PDE10A: variants seen among roughly 807,000 people sequenced by gnomAD.
PDE10A encodes the protein phosphodiesterase 10A.
PDE10A carries 39 observed loss-of-function variants against 97.7 expected under a neutral mutation model. That is an observed-to-expected ratio of 0.40 (90% CI 0.31 to 0.52). PDE10A has a LOEUF of 0.52. Among genes scored for constraint, PDE10A ranks in the 20% least tolerant of loss-of-function variants. The pLI, the probability that PDE10A is intolerant of heterozygous loss-of-function variation, is 0.56. For synonymous variants in PDE10A, 371 were observed against 376.8 expected (o/e 0.98, Z 0.18); for missense variants, 731 against 1,047.8 (o/e 0.70, Z 4.17).
intron 2 of PDE10A, among the ~76,000 whole-genome samples, chr6:165,499,827 T>A (rs572072546): frequency 2.6e-5 from 4 of 152,190 alleles, no homozygotes; most frequent in Admixed American, 2.0e-4. Flanking sequence ...TTTTTAGACA[T>A]TGAACACAAG....
intron 2 of PDE10A, among the ~76,000 whole-genome samples, chr6:165,529,760 T>C (rs1408593526): frequency 6.6e-6 from 1 of 152,204 alleles, no homozygotes; most frequent in Non-Finnish European, 1.5e-5. Flanking sequence ...GCATCTCCTG[T>C]TGTACGAAGG....
At chr6:165,877,825 A>G (rs1371770300) in intron 1 of PDE10A, among the ~76,000 whole-genome samples, 1 of 152,212 alleles carries the variant, frequency 6.6e-6, no homozygotes, top group Non-Finnish European at 1.5e-5. Flanking sequence ...ATCTTATAAA[A>G]GCATTCTGCA....
intron 2 of PDE10A, among the ~76,000 whole-genome samples, chr6:165,507,885 A>T (rs981074636): frequency 6.6e-6 from 1 of 152,074 alleles, no homozygotes; most frequent in Non-Finnish European, 1.5e-5. Flanking sequence ...AAAATGAAAC[A>T]ATGTTTTCTT....
At position 165,426,070 on chromosome 6, in the gene PDE10A, G is replaced by A. The variant is rs139138947; in HGVS notation, c.1653+2588C>T. ...CTAGATAAATGGAAAAATACCTCAC[G>A]TTCGTGTATTAGAAGTCTTAATTGT... On this transcript the variant is annotated intron_variant, in intron 10 of 21. Coordinates refer to ENST00000539869, the MANE Select transcript of PDE10A (RefSeq NM_001385079.1). 3.6e-3 allele frequency among the ~76,000 whole-genome samples: 541 copies of A among 151,970 alleles called. 4 individuals are homozygous for A. The highest frequency in any genetic ancestry group is 0.012 in the African/African-American group (501 of 41,450).
chr6:165,606,263 T>C (rs143656711), intron 1 of PDE10A, among the ~76,000 whole-genome samples: 52 of 151,338 alleles, frequency 3.4e-4, no homozygotes, highest in African/African-American at 1.2e-3. Flanking sequence ...GAGAAGCTCA[T>C]AAGAGGGGCA....
chr6:165,600,421 T>G (rs1182223780), intron 1 of PDE10A, among the ~76,000 whole-genome samples: 3 of 152,248 alleles, frequency 2.0e-5, no homozygotes, highest in Non-Finnish European at 1.5e-5. Context: ...GGTTGTCTTT[T>G]GAGGACGCTT....
At chr6:165,592,394 A>G (rs1786329622) in intron 1 of PDE10A, among the ~76,000 whole-genome samples, 1 of 152,254 alleles carries the variant, frequency 6.6e-6, no homozygotes, top group South Asian at 2.1e-4. Flanking sequence ...GGCATAAGCT[A>G]AGACTTCATG....
chr6:165,368,490 G>A (rs554248350), intron 18 of PDE10A, among the ~76,000 whole-genome samples: 7 of 151,972 alleles, frequency 4.6e-5, no homozygotes. Context: ...ATTCAAAGCG[G>A]ACTAATAAAA....
intron 1 of PDE10A, among the ~76,000 whole-genome samples, chr6:165,752,671 G>A (rs922278641): frequency 7.2e-5 from 11 of 152,112 alleles, no homozygotes; most frequent in African/African-American, 2.7e-4. Flanking sequence ...TTCCACGTGA[G>A]GTATTCATCA....
Position 165,632,709 on chromosome 6 carries a change from C to T in PDE10A, c.865+29238G>A, listed in dbSNP as rs76055978. Among the ~76,000 whole-genome samples, 1,374 of 152,234 alleles carry T rather than the reference C, an allele frequency of 9.0e-3. 22 individuals are homozygous for T. The highest frequency in any genetic ancestry group is 0.031 in the African/African-American group (1,289 of 41,536). On this transcript the variant is annotated intron_variant, in intron 1 of 21. Transcript: ENST00000539869. ...AATGATACAACCATGAGGGGTGAAG[C>T]GGCCGTGGAGAAACCAGATCACAAC...
intron 1 of PDE10A, among the ~76,000 whole-genome samples, chr6:165,581,972 ATG>A (rs530971009): frequency 3.3e-5 from 5 of 152,146 alleles, no homozygotes; most frequent in Non-Finnish European, 7.4e-5. Flanking sequence ...ATCCAACTAT[ATG>A]CTTATTTGTA....
At chr6:165,703,187 G>A (rs763428174) in intron 1 of PDE10A, among the ~76,000 whole-genome samples, 1 of 152,168 alleles carries the variant, frequency 6.6e-6, no homozygotes, top group Non-Finnish European at 1.5e-5. Flanking sequence ...TAACAACTTT[G>A]TTTGTCTATT....
intron 13 of PDE10A, among the ~76,000 whole-genome samples, chr6:165,411,099 A>AAAAAAG (rs1787779579): frequency 6.7e-6 from 1 of 148,560 alleles, no homozygotes; most frequent in Non-Finnish European, 1.5e-5. Flanking sequence ...AAAAAAAAAA[A>AAAAAAG]AAAAAAAAAA....
At chr6:165,429,882 T>TAAC (rs35737848) in intron 9 of PDE10A, among the ~76,000 whole-genome samples, 30,289 of 151,856 alleles carry the variant, frequency 0.2, 3,416 homozygotes, top group East Asian at 0.34. Context: ...AAAATTTAAA[T>TAAC]AATAATAATA....
chr6:165,705,998 G>T (rs1340570093), intron 1 of PDE10A, among the ~76,000 whole-genome samples: 1 of 152,210 alleles, frequency 6.6e-6, no homozygotes, highest in East Asian at 1.9e-4. Flanking sequence ...TGGGGGAAAA[G>T]AAAATGTGTG....
At chr6:165,527,178 C>A (rs1782496468) in intron 2 of PDE10A, among the ~76,000 whole-genome samples, 1 of 152,206 alleles carries the variant, frequency 6.6e-6, no homozygotes, top group Non-Finnish European at 1.5e-5. Flanking sequence ...TTTGGCCCCT[C>A]CTACAACCAA....
At chr6:165,565,664 A>G (rs1285902044) in intron 1 of PDE10A, among the ~76,000 whole-genome samples, 1 of 152,202 alleles carries the variant, frequency 6.6e-6, no homozygotes, top group African/African-American at 2.4e-5. Flanking sequence ...GACTGACAAT[A>G]CCCAACTTCA....
intron 1 of PDE10A, among the ~76,000 whole-genome samples, chr6:165,892,196 T>C (rs1035616492): frequency 6.6e-6 from 1 of 152,198 alleles, no homozygotes; most frequent in Non-Finnish European, 1.5e-5. Context: ...TGGGATGTGA[T>C]GGAGGGAGAT....
chr6:165,614,215 G>A (rs959968995), intron 1 of PDE10A, among the ~76,000 whole-genome samples: 8 of 152,188 alleles, frequency 5.3e-5, no homozygotes, highest in African/African-American at 9.6e-5. Context: ...TATTTCTAAC[G>A]GCCAAAGTAA....
Sources: allele counts gnomAD v4.1 joint callset (sites outside exome capture counted in the v4.1 genomes callset), GRCh38; gene constraint gnomAD v4.1.1; transcripts MANE v1.5; gene names NCBI Gene and HGNC (gene_info 2026-07-23, HGNC 2026-07-21).